Variants in TFDP1 observed in about 807,000 individuals in gnomAD.
TFDP1 encodes the protein DRTF1-polypeptide 1.
TFDP1 carries 6 observed loss-of-function variants against 48.0 expected under a neutral mutation model. The ratio of observed to expected loss-of-function variants is 0.13; its 90% confidence interval spans 0.07 to 0.25. TFDP1 has a LOEUF of 0.25. Among genes scored for constraint, TFDP1 ranks in the 10% least tolerant of loss-of-function variants. TFDP1 has a pLI of 1.00. For synonymous variants in TFDP1, 201 were observed against 211.6 expected (o/e 0.95, Z 0.44); for missense variants, 335 against 543.0 (o/e 0.62, Z 3.81).
intron 3 of TFDP1, among the ~76,000 whole-genome samples, chr13:113,613,031 T>C (rs372218256): frequency 0.39 from 59,762 of 151,688 alleles, 12,102 homozygotes; most frequent in Admixed American, 0.49. Context: ...TTGTTGTTGT[T>C]TTGGAGATGG....
Position 113,633,462 on chromosome 13 carries a change from G to A in TFDP1, c.474+177G>A, listed in dbSNP as rs1021423265. 7.9e-5 allele frequency among the ~76,000 whole-genome samples: 12 copies of A among 152,136 alleles called. No individual in the cohort carries two copies. The highest frequency in any genetic ancestry group is 1.5e-4 in the Non-Finnish European group (10 of 67,996). On this transcript the variant is annotated intron_variant, in intron 6 of 11. Transcript: ENST00000375370. The surrounding 1 kb of genome is among the most constrained non-coding windows in gnomAD (Gnocchi z 4.5). The stretch of plus-strand genomic sequence containing the variant: ...GCCGGGGCCGAGAGGCTGGGGTGGC[G>A]GAGCCCAGCGGTGTGGTACGTTTCG...
rs923902755 is a variant in TFDP1, at chr13:113,627,828, G to A, written c.187-3795G>A. Among the ~76,000 whole-genome samples, 8 of 152,128 alleles carry A rather than the reference G, an allele frequency of 5.3e-5. No homozygotes were observed. Among genetic ancestry groups the A allele is most frequent in the African/African-American group, 1.2e-4 (5 of 41,420 alleles). On this transcript the variant is annotated intron_variant, in intron 4 of 11. Transcript: ENST00000375370. The surrounding 1 kb of genome is among the most constrained non-coding windows in gnomAD (Gnocchi z 4.1). ...ACAGTTTCTTCCCGAAACTACCCCC[G>A]ACTCCGGTCTGTGGAAAAACTGTCT... is the stretch of plus-strand genomic sequence containing the variant.
Position 113,633,808 on chromosome 13 carries a change from G to T in TFDP1, c.475-82G>T. On this transcript the variant is annotated intron_variant, in intron 6 of 11. Transcript: ENST00000375370. The surrounding 1 kb of genome is among the most constrained non-coding windows in gnomAD (Gnocchi z 4.5). ...GGCTCCGTGAGCGGGGTGCCCCTTTGAGCCAGTGCCCATGGTCTACAGTTT... is the reference window on the plus strand; with the variant it reads ...GGCTCCGTGAGCGGGGTGCCCCTTTTAGCCAGTGCCCATGGTCTACAGTTT... 6.6e-7 allele frequency: 1 copy of T among 1,514,368 alleles called. No homozygotes were observed. The allele number at this position is 1,514,368 out of a possible 1,614,324, so 93.8% of individuals were successfully genotyped here.
Position 113,640,238 on chromosome 13 carries a change from G to A in TFDP1, c.1204G>A (p.Asp402Asn), listed in dbSNP as rs1375539747. ...YVGEDDEEDD[D>N]FNENDEDD Reference sequence around the variant, plus strand: ...CGGGGAGGACGACGAGGAGGACGATGACTTCAACGAGAATGACGAGGACGA... The same window carrying A: ...CGGGGAGGACGACGAGGAGGACGATAACTTCAACGAGAATGACGAGGACGA... Residue 402 changes from aspartate to asparagine, a missense_variant, in exon 12 of 12, where the codon GAC (aspartate) becomes AAC (asparagine). This residue lies in a region of TFDP1 where 204 missense variants were observed against 287.1 expected (regional missense o/e 0.71). Transcript: ENST00000375370. 6.2e-7 allele frequency: 1 copy of A among 1,613,296 alleles called. No homozygotes were observed. Among genetic ancestry groups the A allele is most frequent in the African/African-American group, 1.3e-5 (1 of 74,918 alleles).
intron 2 of TFDP1, among the ~76,000 whole-genome samples, chr13:113,592,357 A>G (rs746833340): frequency 1.3e-5 from 2 of 152,138 alleles, no homozygotes; most frequent in Non-Finnish European, 2.9e-5. Context: ...GGGTTTCTTC[A>G]TGTTGCTCAG....
intron 4 of TFDP1, among the ~76,000 whole-genome samples, chr13:113,626,212 G>A (rs1353113685): frequency 6.6e-6 from 1 of 152,160 alleles, no homozygotes; most frequent in East Asian, 1.9e-4. Flanking sequence ...TGGCCCTGTG[G>A]AGAGCTCTCT....
chr13:113,608,239 G>A (rs550192618), intron 2 of TFDP1, among the ~76,000 whole-genome samples: 1 of 152,368 alleles, frequency 6.6e-6, no homozygotes, highest in South Asian at 2.1e-4. Context: ...TGTGCCACCC[G>A]GGGCAGTGCG....
chr13:113,614,493 G>T (rs2048808478), intron 3 of TFDP1, among the ~76,000 whole-genome samples: 2 of 152,200 alleles, frequency 1.3e-5, no homozygotes. Flanking sequence ...ATGGTCGGTA[G>T]CACTTTGAGG....
intron 2 of TFDP1, among the ~76,000 whole-genome samples, chr13:113,606,065 C>T (rs904366272): frequency 7.5e-6 from 1 of 133,688 alleles, no homozygotes; most frequent in African/African-American, 3.0e-5. Flanking sequence ...TGTGGGAAGG[C>T]GGTGCGGTGA....
In TFDP1 at chr13:113,615,044, C is replaced by T. The variant is rs181348737; in HGVS notation, c.79+3982C>T. Among the ~76,000 whole-genome samples the T allele has an allele frequency of 2.7e-3, 413 of 152,244 alleles. 1 individual carries two copies. The highest frequency in any genetic ancestry group is 9.5e-3 in the African/African-American group (395 of 41,540). ...ACGTAAAACTGACTGTCACACCCTT[C>T]GAGGCTTAGAAGGCTGCTTTCCACC... On this transcript the variant is annotated intron_variant, in intron 3 of 11. Coordinates refer to ENST00000375370, the MANE Select transcript of TFDP1 (RefSeq NM_007111.5).
intron 3 of TFDP1, among the ~76,000 whole-genome samples, chr13:113,619,495 A>C (rs536864696): frequency 2.0e-5 from 3 of 151,384 alleles, no homozygotes; most frequent in Non-Finnish European, 4.4e-5. Context: ...AAAAAAAAAA[A>C]AAAAAGAAGA....
Position 113,636,131 on chromosome 13 carries a change from AG to A in TFDP1, c.839+5del, listed in dbSNP as rs1222675582. 3 of 1,614,074 alleles carry A rather than the reference AG, an allele frequency of 1.9e-6. No individual in the cohort carries two copies. On this transcript the variant is annotated splice_donor_region_variant and intron_variant, in intron 9 of 11. Coordinates refer to ENST00000375370, the MANE Select transcript of TFDP1 (RefSeq NM_007111.5). ...GACTGCAGCATCTCCAATGACAAGT[AG>A]GTTGTGGGCGGGGAGCTGTTCCCTG... is the stretch of plus-strand genomic sequence containing the variant.
At position 113,598,188 on chromosome 13, in the gene TFDP1, G is replaced by C. The variant is rs1031441814; in HGVS notation, c.12+12339G>C. 1.3e-5 allele frequency among the ~76,000 whole-genome samples: 2 copies of C among 152,152 alleles called. No homozygotes were observed. Among genetic ancestry groups the C allele is most frequent in the African/African-American group, 2.4e-5 (1 of 41,420 alleles). Reference sequence around the variant, plus strand: ...ACCCCAGCCCTGGAAAACCGTGCCTGCCAGGTTCATACCACACAACCCGGT... The same window carrying C: ...ACCCCAGCCCTGGAAAACCGTGCCTCCCAGGTTCATACCACACAACCCGGT... On this transcript the variant is annotated intron_variant, in intron 2 of 11. Coordinates refer to ENST00000375370, the MANE Select transcript of TFDP1 (RefSeq NM_007111.5). This position sits in a 1 kb window ranked among gnomAD's most constrained non-coding sequence, Gnocchi z 4.2.
chr13:113,619,988 C>T (rs983835298), intron 3 of TFDP1, among the ~76,000 whole-genome samples: 7 of 152,214 alleles, frequency 4.6e-5, no homozygotes, highest in African/African-American at 1.7e-4. Context: ...TTCACTCATC[C>T]TGCCCTGGGT....
At chr13:113,638,922 C>T (rs886472991) in intron 11 of TFDP1, among the ~76,000 whole-genome samples, 2 of 152,040 alleles carry the variant, frequency 1.3e-5, no homozygotes, top group Non-Finnish European at 2.9e-5. Flanking sequence ...TAACAGGGCT[C>T]GACATAGTGA....
intron 10 of TFDP1, 35 bp from the exon 11 acceptor site, chr13:113,637,783 T>C (rs764894579): frequency 1.9e-6 from 3 of 1,614,132 alleles, no homozygotes; most frequent in East Asian, 4.5e-5. Context: ...TGTTTCTGTT[T>C]CATGACCATT....
At chr13:113,632,175 T>G (rs576998024) in intron 5 of TFDP1, among the ~76,000 whole-genome samples, 1 of 152,234 alleles carries the variant, frequency 6.6e-6, no homozygotes, top group African/African-American at 2.4e-5. Flanking sequence ...CCGCCAGAGC[T>G]GCTCCTTCCA....
chr13:113,626,704 T>C (rs924943299), intron 4 of TFDP1, among the ~76,000 whole-genome samples: 3 of 152,356 alleles, frequency 2.0e-5, no homozygotes, highest in East Asian at 1.9e-4. Flanking sequence ...CATACGGCTT[T>C]TCAACCACGT....
intron 3 of TFDP1, among the ~76,000 whole-genome samples, chr13:113,618,194 G>A (rs928442352): frequency 1.2e-4 from 19 of 152,176 alleles, no homozygotes; most frequent in Admixed American, 3.3e-4. Context: ...GAAAATGTGT[G>A]GAACACTCTA....
Sources: gnomAD v4.1 joint callset for allele counts (sites outside exome capture counted in the v4.1 genomes callset) on GRCh38, gnomAD v4.1.1 for gene constraint, gnomAD v4.1.1 regional missense constraint, Gnocchi (gnomAD v3.1) non-coding constraint, MANE v1.5 for transcripts, NCBI Gene and HGNC (gene_info 2026-07-23, HGNC 2026-07-21) for gene names.